CPSF4L: variants seen among roughly 807,000 people sequenced by gnomAD.
CPSF4L encodes putative cleavage and polyadenylation specificity factor subunit 4-like protein.
CPSF4L carries 18 observed loss-of-function variants against 24.0 expected under a neutral mutation model. The observed-to-expected ratio is 0.75, with a 90% confidence interval of 0.52 to 1.11. The LOEUF (loss-of-function observed/expected upper bound fraction) is 1.11, where lower values mean the gene tolerates loss of function less well. Ranked by LOEUF, CPSF4L falls within the 50% of genes least tolerant of loss-of-function variation. CPSF4L has a pLI of 0.00. For missense variants in CPSF4L, 211 were observed against 221.8 expected (o/e 0.95, Z 0.31); for synonymous variants, 72 against 77.2 (o/e 0.93, Z 0.35).
downstream of CPSF4L, among the ~76,000 whole-genome samples, chr17:73,243,888 C>T (rs1432692852): frequency 6.6e-6 from 1 of 152,156 alleles, no homozygotes; most frequent in Non-Finnish European, 1.5e-5. Context: ...AACTGTTACC[C>T]TGCTCCAATG....
the CPSF4L span, chr17:73,242,235 G>C: frequency 6.4e-7 from 1 of 1,555,832 alleles, no homozygotes; most frequent in Non-Finnish European, 8.8e-7. Context: ...CTTCTGTTTG[G>C]AACCATAGTT....
At position 73,254,126 on chromosome 17, in the gene CPSF4L, C is replaced by T. The variant is rs755699974; in HGVS notation, c.308-100G>A. The T allele has an allele frequency of 4.7e-6, 4 of 854,158 alleles. No individual in the cohort carries two copies. In the African/African-American group the frequency reaches 5.0e-5, roughly 11 times the overall value. The allele number at this position is 854,158 out of a possible 1,614,324, so 52.9% of individuals were successfully genotyped here. A position where few individuals can be genotyped will look rare whatever the true frequency, so the allele number is the denominator to read the frequency against. On this transcript the variant is annotated intron_variant, in intron 3 of 5. Coordinates refer to ENST00000344935, the MANE Select transcript of CPSF4L (RefSeq NM_001129885.1). ...TTGCCCCTCACAAACACAGAAGACA[C>T]TGGCCTTTATTCTGGGAGTCACCAG...
intron 1 of CPSF4L, 24 bp downstream of exon 1, chr17:73,261,692 G>A: frequency 6.8e-7 from 1 of 1,462,256 alleles, no homozygotes; most frequent in Non-Finnish European, 9.4e-7. Flanking sequence ...GTAGGGGAGG[G>A]AAAGTGGCCC....
upstream of CPSF4L, chr17:73,262,087 G>A: frequency 2.2e-6 from 1 of 453,792 alleles, no homozygotes. Flanking sequence ...GGATAGGGAG[G>A]GATTCGCAGA....
At chr17:73,261,662 AAG>A (rs2062046799) in intron 1 of CPSF4L, 52 bp downstream of exon 1, 33 of 1,266,470 alleles carry the variant, frequency 2.6e-5, no homozygotes, top group Non-Finnish European at 3.3e-5. Flanking sequence ...CTCCGTCTCA[AAG>A]AAAAAAAAAC....
chr17:73,255,852 C>A (rs892608684), intron 3 of CPSF4L, among the ~76,000 whole-genome samples: 1 of 152,174 alleles, frequency 6.6e-6, no homozygotes, highest in African/African-American at 2.4e-5. Flanking sequence ...CATTCCTGGC[C>A]TGGCCAGCAG....
At chr17:73,242,871 A>G in the CPSF4L span, 4 of 1,593,238 alleles carry the variant, frequency 2.5e-6, no homozygotes, top group Non-Finnish European at 3.4e-6. Context: ...TGCTGTAACA[A>G]CAAGCCGTGT....
upstream of CPSF4L, among the ~76,000 whole-genome samples, chr17:73,263,252 G>A (rs2062053713): frequency 6.6e-6 from 1 of 152,210 alleles, no homozygotes; most frequent in Admixed American, 6.5e-5. Flanking sequence ...AGCCCAGGGA[G>A]GCCAAGACCA....
downstream of CPSF4L, chr17:73,245,135 C>A: frequency 6.2e-7 from 1 of 1,610,700 alleles, no homozygotes; most frequent in Non-Finnish European, 8.5e-7. Context: ...AGTGGCCTCT[C>A]GGATCCTTAC....
intron 5 of CPSF4L, 106 bp from the exon 6 acceptor site, chr17:73,248,642 A>G (rs866232231): frequency 3.3e-5 from 38 of 1,153,440 alleles, no homozygotes; most frequent in South Asian, 3.2e-4. Context: ...GCTACTGTCC[A>G]TGCTTGAGAG....
At chr17:73,258,965 C>G (rs57573551) in intron 2 of CPSF4L, among the ~76,000 whole-genome samples, 2,031 of 152,314 alleles carry the variant, frequency 0.013, 50 homozygotes, top group African/African-American at 0.047. Flanking sequence ...GGAAATGTTA[C>G]ATTTAACTGC....
chr17:73,257,698 T>G lies in CPSF4L; in HGVS notation c.290A>C (p.Tyr97Ser). Residue 97 changes from tyrosine to serine, a missense_variant, in exon 3 of 6, where the codon TAC becomes TCC. Coordinates refer to ENST00000344935, the MANE Select transcript of CPSF4L (RefSeq NM_001129885.1). The stretch of plus-strand genomic sequence containing the variant: ...GGCCTTACCAAACTTGGAGTAGAAG[T>G]AGCACTCAGGCATCCTGGTGAGGTC... Reference protein sequence around the residue: ...QYDLTRMPECYFYSKFGDCSN... With the variant: ...QYDLTRMPECSFYSKFGDCSN... 1 of 1,551,570 alleles carries G rather than the reference T, an allele frequency of 6.4e-7. No individual in the cohort carries two copies. The highest frequency in any genetic ancestry group is 8.7e-7 in the Non-Finnish European group (1 of 1,146,966).
upstream of CPSF4L, among the ~76,000 whole-genome samples, chr17:73,263,518 G>T (rs1023145584): frequency 6.6e-6 from 1 of 152,164 alleles, no homozygotes; most frequent in African/African-American, 2.4e-5. Flanking sequence ...CTGGAAGAAG[G>T]CCAGCAGTAT....
upstream of CPSF4L, chr17:73,262,333 C>A (rs900957652): frequency 3.3e-5 from 5 of 153,456 alleles, no homozygotes; most frequent in African/African-American, 1.2e-4. Context: ...AGGGGTCTCC[C>A]TCTGGGGCCC....
Position 73,257,688 on chromosome 17 carries a change from G to A in CPSF4L, c.300C>T (p.Ser100=), listed in dbSNP as rs372001230. 361 of 1,551,458 alleles carry A rather than the reference G, an allele frequency of 2.3e-4. No homozygotes were observed. The highest frequency in any genetic ancestry group is 2.9e-4 in the Non-Finnish European group (330 of 1,146,976). The change falls in exon 3 of 6, where the codon TCC becomes TCT. Residue 100 remains serine (S), a synonymous_variant. Coordinates refer to ENST00000344935, the MANE Select transcript of CPSF4L (RefSeq NM_001129885.1). ...LTRMPECYFY[S]KFGDCSNKEC... is the part of the protein sequence containing the mutation. Reference sequence around the variant, plus strand: ...GCCAGGAAGAGGCCTTACCAAACTTGGAGTAGAAGTAGCACTCAGGCATCC... The same window carrying A: ...GCCAGGAAGAGGCCTTACCAAACTTAGAGTAGAAGTAGCACTCAGGCATCC...
At chr17:73,261,209 C>T (rs1242455487) in intron 1 of CPSF4L, among the ~76,000 whole-genome samples, 1 of 152,242 alleles carries the variant, frequency 6.6e-6, no homozygotes, top group East Asian at 1.9e-4. Context: ...CAAGCCTGGC[C>T]CAGGAGCTCG....
At chr17:73,261,394 G>T (rs994940871) in intron 1 of CPSF4L, among the ~76,000 whole-genome samples, 1 of 152,232 alleles carries the variant, frequency 6.6e-6, no homozygotes, top group African/African-American at 2.4e-5. Context: ...GGGCGTGGTG[G>T]CTCATGCCTG....
the CPSF4L span, chr17:73,243,051 A>T: frequency 0.57 from 755,925 of 1,328,012 alleles, 208,227 homozygotes; most frequent in East Asian, 0.65. Context: ...CCATTCCGTT[A>T]TGTGGACCTC....
chr17:73,243,158 G>C, the CPSF4L span: 1 of 705,338 alleles, frequency 1.4e-6, no homozygotes. Flanking sequence ...GGGGTTTCTG[G>C]GTTTTATTTT....
Sources: allele counts gnomAD v4.1 joint callset (sites outside exome capture counted in the v4.1 genomes callset), GRCh38; gene constraint gnomAD v4.1.1; transcripts MANE v1.5; gene names NCBI Gene and HGNC (gene_info 2026-07-23, HGNC 2026-07-21).